ABCA9: variants seen among roughly 807,000 people sequenced by gnomAD.
The protein encoded by ABCA9 is ATP-binding cassette sub-family A member 9.
In ABCA9, 183 loss-of-function variants were observed where a neutral mutation model predicts 205.3. That is an observed-to-expected ratio of 0.89 (90% CI 0.79 to 1.01). The LOEUF is 1.01. Ranked by LOEUF, ABCA9 falls within the 50% of genes least tolerant of loss-of-function variation. The probability of loss-of-function intolerance (pLI) is 0.00; values close to 1 mark genes in which losing one functional copy is unlikely to be tolerated. For synonymous variants in ABCA9, 651 were observed against 683.3 expected, an observed-to-expected ratio of 0.95 and a Z score of 0.74; for missense variants, 1,805 against 1,912.4, an observed-to-expected ratio of 0.94 and a Z score of 1.05.
Position 69,045,281 on chromosome 17 carries a change from G to A in ABCA9, c.360C>T (p.Asn120=). Residue 120 remains asparagine, a synonymous_variant, in exon 4 of 39, where the codon AAC becomes AAT. Coordinates refer to ENST00000340001, the MANE Select transcript of ABCA9 (RefSeq NM_080283.4). ...DEKSMDELDL[N]YSIDAVRVIF... is the part of the protein sequence containing the mutation. ...TGACTCTCACTGCGTCTATTGAATA[G>A]TTCAAATCCAATTCATCCATGCTTT... 1.9e-6 allele frequency: 3 copies of A among 1,612,808 alleles called. No individual in the cohort carries two copies. Among genetic ancestry groups the A allele is most frequent in the Non-Finnish European group, 2.5e-6 (3 of 1,179,368 alleles).
In ABCA9 at chr17:69,051,394, C is replaced by T. The variant is rs1001764377; in HGVS notation, c.-13-255G>A. ...GAAAAATCAGAAGAGTGAATAGTGT[C>T]GATCGTTGCTATCTCCTCAACTGTG... On this transcript the variant is annotated intron_variant, in intron 1 of 38. Coordinates refer to ENST00000340001, the MANE Select transcript of ABCA9 (RefSeq NM_080283.4). 1.9e-5 allele frequency: 8 copies of T among 427,550 alleles called. No individual in the cohort carries two copies. The Admixed American group carries it at 2.7e-4, about 14-fold the overall frequency. The allele number at this position is 427,550 out of a possible 1,614,324, so 26.5% of individuals were successfully genotyped here.
chr17:69,001,780 T>G (rs2069879568), intron 25 of ABCA9, among the ~76,000 whole-genome samples: 1 of 151,680 alleles, frequency 6.6e-6, no homozygotes. Context: ...TATTGATTAT[T>G]GCCACAATTT....
At position 69,035,275 on chromosome 17, in the gene ABCA9, G is replaced by A. The variant is rs1164989438; in HGVS notation, c.1099C>T (p.Pro367Ser). Reference protein sequence around the residue: ...FLEWTLCLLSPFAFTVGMAQL... With the variant: ...FLEWTLCLLSSFAFTVGMAQL... ...GCCATCCCAACAGTGAAGGCAAAGG[G>A]GCTAAGAAGACACAAAGTCCATTCC... The change falls in exon 8 of 39, where the codon CCC becomes TCC. Residue 367 changes from proline to serine, a missense_variant. By Grantham distance (74) the Pro-to-Ser change is moderately conservative. Coordinates refer to ENST00000340001, the MANE Select transcript of ABCA9 (RefSeq NM_080283.4). 24 of 1,599,378 alleles carry A rather than the reference G, an allele frequency of 1.5e-5. No homozygotes were observed. Among genetic ancestry groups the A allele is most frequent in the Non-Finnish European group, 2.0e-5 (24 of 1,173,362 alleles).
chr17:68,979,493 A>G (rs2068978604), intron 37 of ABCA9, among the ~76,000 whole-genome samples: 2 of 150,978 alleles, frequency 1.3e-5, no homozygotes, highest in African/African-American at 5.0e-5. Flanking sequence ...CTAGTCCAAA[A>G]GAACAAAACT....
At chr17:69,070,750 C>T in the ABCA9 span, among the ~76,000 whole-genome samples, 1 of 152,174 alleles carries the variant, frequency 6.6e-6, no homozygotes, top group Non-Finnish European at 1.5e-5. Context: ...GAACCGTTCA[C>T]TCCCTGGAAA....
rs773614991 is a variant in ABCA9, at chr17:69,043,507, A to C, written c.782T>G (p.Leu261Arg). 39 of 1,597,536 alleles carry C rather than the reference A, an allele frequency of 2.4e-5. No homozygotes were observed. Among genetic ancestry groups the C allele is most frequent in the Non-Finnish European group, 3.2e-5 (37 of 1,171,758 alleles). ...YITSLMTMMG[L>R]RESAFWLSWG... ...GATTTACCAGAATGCTGACTCTCGG[A>C]GTCCCATCATTGTCATCAATGACGT... Residue 261 changes from leucine to arginine, a missense_variant, in exon 6 of 39, where the codon CTC (leucine) becomes CGC (arginine). By Grantham distance (102) the Leu-to-Arg change is moderately radical (BLOSUM62 -2). Coordinates refer to ENST00000340001, the MANE Select transcript of ABCA9 (RefSeq NM_080283.4).
Position 69,040,717 on chromosome 17 carries a change from A to T in ABCA9, c.800+2772T>A, listed in dbSNP as rs533579696. ...GCACATGTATCCCAGAACTTAAAGTATGATAAAAAATGTAAAAGAAATTCC... is the reference window on the plus strand; with the variant it reads ...GCACATGTATCCCAGAACTTAAAGTTTGATAAAAAATGTAAAAGAAATTCC... On this transcript the variant is annotated intron_variant, in intron 6 of 38. Coordinates refer to ENST00000340001, the MANE Select transcript of ABCA9 (RefSeq NM_080283.4). 5.3e-4 allele frequency among the ~76,000 whole-genome samples: 81 copies of T among 152,024 alleles called. 1 individual carries two copies. In the South Asian group the frequency reaches 0.015, roughly 28 times the overall value.
intron 6 of ABCA9, chr17:69,042,686 G>A (rs758166964): frequency 3.9e-5 from 6 of 152,178 alleles, no homozygotes; most frequent in Non-Finnish European, 5.9e-5. Flanking sequence ...CCTGAGTATT[G>A]GCAAACATCT....
upstream of ABCA9, chr17:69,060,969 G>A (rs2072228974): frequency 1.0e-6 from 1 of 985,288 alleles, no homozygotes; most frequent in South Asian, 4.7e-5. Flanking sequence ...ACTACATCAT[G>A]CTTTTAATTT....
intron 15 of ABCA9, 138 bp downstream of exon 15, chr17:69,026,838 C>G (rs2071004010): frequency 9.6e-7 from 1 of 1,038,470 alleles, no homozygotes; most frequent in South Asian, 1.7e-5. Context: ...GCATGCAGAC[C>G]CACAAATGAG....
chr17:69,065,402 A>G (rs535824563), upstream of ABCA9, among the ~76,000 whole-genome samples: 2 of 152,220 alleles, frequency 1.3e-5, no homozygotes, highest in African/African-American at 2.4e-5. Context: ...TTTCTGACAT[A>G]GAATTTTTAT....
intron 18 of ABCA9, among the ~76,000 whole-genome samples, chr17:69,021,159 TAA>T (rs1490750370): frequency 6.6e-6 from 1 of 151,494 alleles, no homozygotes; most frequent in East Asian, 1.9e-4. Flanking sequence ...CAAAAATGAA[TAA>T]GAGAGGAAAA....
intron 6 of ABCA9, among the ~76,000 whole-genome samples, chr17:69,039,594 TTAAA>T (rs1344373438): frequency 6.6e-6 from 1 of 151,878 alleles, no homozygotes; most frequent in East Asian, 1.9e-4. Context: ...ATCTAAAACC[TTAAA>T]AACCCTAGAA....
the ABCA9 span, among the ~76,000 whole-genome samples, chr17:69,074,648 T>C: frequency 6.6e-6 from 1 of 152,204 alleles, no homozygotes; most frequent in Non-Finnish European, 1.5e-5. Flanking sequence ...CTTTATCCAA[T>C]CCACCACTGA....
chr17:69,068,764 CAACT>C, the ABCA9 span, among the ~76,000 whole-genome samples: 2 of 152,110 alleles, frequency 1.3e-5, no homozygotes, highest in African/African-American at 4.8e-5. Flanking sequence ...TGAATGCTAG[CAACT>C]AATAAATATA....
In ABCA9 at chr17:69,006,000, C is replaced by A. The variant is rs2070112429; in HGVS notation, c.3435+1759G>T. ...TTCTAATTTCCTCATTTTAAAAATG[C>A]CTGTTAAGTCATTGCCCATGACTTA... On this transcript the variant is annotated intron_variant, in intron 25 of 38. Coordinates refer to ENST00000340001, the MANE Select transcript of ABCA9 (RefSeq NM_080283.4). 1.3e-5 allele frequency among the ~76,000 whole-genome samples: 2 copies of A among 152,164 alleles called. 1 individual carries two copies. The highest frequency in any genetic ancestry group is 4.1e-4 in the South Asian group (2 of 4,828).
intron 25 of ABCA9, among the ~76,000 whole-genome samples, chr17:68,998,651 A>C (rs919161501): frequency 1.1e-4 from 17 of 150,066 alleles, no homozygotes; most frequent in Non-Finnish European, 2.5e-4. Flanking sequence ...AAAAAATATT[A>C]ATTATTCTTT....
chr17:68,985,247 T>C lies in ABCA9; in HGVS notation c.4209-119A>G, dbSNP rs1255243109. 3.1e-6 allele frequency: 4 copies of C among 1,306,346 alleles called. No individual in the cohort carries two copies. In the African/African-American group the frequency reaches 4.4e-5, roughly 14 times the overall value. The allele number at this position is 1,306,346 out of a possible 1,614,324, so 80.9% of individuals were successfully genotyped here. ...TGTTTATGAGTGGTCAGAGTGGTCATAAAATTTAAACCACCTAGGTACTTT... is the reference window on the plus strand; with the variant it reads ...TGTTTATGAGTGGTCAGAGTGGTCACAAAATTTAAACCACCTAGGTACTTT... On this transcript the variant is annotated intron_variant, in intron 32 of 38. Coordinates refer to ENST00000340001, the MANE Select transcript of ABCA9 (RefSeq NM_080283.4).
At chr17:69,039,137 T>A (rs568168434) in intron 6 of ABCA9, among the ~76,000 whole-genome samples, 1 of 152,210 alleles carries the variant, frequency 6.6e-6, no homozygotes, top group South Asian at 2.1e-4. Flanking sequence ...GGCCATACTG[T>A]CCAAAGTAAT....
Sources: allele counts gnomAD v4.1 joint callset (sites outside exome capture counted in the v4.1 genomes callset), GRCh38; gene constraint gnomAD v4.1.1; transcripts MANE v1.5; gene names NCBI Gene and HGNC (gene_info 2026-07-23, HGNC 2026-07-21).